Variants in BLMH observed in about 807,000 individuals in gnomAD.
BLMH encodes the protein BLM hydrolase.
A neutral mutation model predicts 61.6 loss-of-function variants in BLMH; 32 were observed. The observed-to-expected ratio is 0.52, with a 90% CI of 0.39 to 0.70. BLMH has a LOEUF of 0.70. Ranked by LOEUF, BLMH falls within the 30% of genes least tolerant of loss-of-function variation. The pLI, the probability that BLMH is intolerant of heterozygous loss-of-function variation, is 0.00. For synonymous variants in BLMH, 183 were observed against 193.8 expected (o/e 0.94, Z 0.46); for missense variants, 460 against 555.5 (o/e 0.83, Z 1.73).
At chr17:30,280,396 C>T (rs765149760) in intron 6 of BLMH, among the ~76,000 whole-genome samples, 1 of 152,118 alleles carries the variant, frequency 6.6e-6, no homozygotes, top group Non-Finnish European at 1.5e-5. Context: ...GAAAGTAGTA[C>T]AGTAAAGTCT....
At chr17:30,266,992 A>T in intron 10 of BLMH, 38 bp from the exon 11 acceptor site, 1 of 1,588,606 alleles carries the variant, frequency 6.3e-7, no homozygotes, top group Non-Finnish European at 8.6e-7. Context: ...GTCTGAAGCC[A>T]GATTCTCCCT....
At chr17:30,286,962 T>C (rs1161880116) in intron 4 of BLMH, 60 bp from the exon 5 acceptor site, 19 of 1,090,664 alleles carry the variant, frequency 1.7e-5, no homozygotes, top group Non-Finnish European at 2.6e-5. Context: ...CTGGCAAAAA[T>C]AGTGATTGTT....
chr17:30,287,467 C>T (rs1908764733), intron 4 of BLMH, among the ~76,000 whole-genome samples: 1 of 152,214 alleles, frequency 6.6e-6, no homozygotes, highest in South Asian at 2.1e-4. Flanking sequence ...GAGATTTCCC[C>T]AAAAGATGTT....
At chr17:30,266,254 G>A (rs935997091) in intron 11 of BLMH, among the ~76,000 whole-genome samples, 5 of 152,064 alleles carry the variant, frequency 3.3e-5, no homozygotes, top group Non-Finnish European at 5.9e-5. Context: ...AAGGCTGGGC[G>A]CAGTGGCTCA....
chr17:30,249,233 T>G, intron 11 of BLMH, 65 bp from the exon 12 acceptor site: 1 of 1,542,626 alleles, frequency 6.5e-7, no homozygotes, highest in Non-Finnish European at 8.8e-7. Context: ...AAACCCTTTT[T>G]GTAGGATAAA....
intron 11 of BLMH, among the ~76,000 whole-genome samples, chr17:30,255,967 G>C (rs931310537): frequency 6.6e-6 from 1 of 152,200 alleles, no homozygotes; most frequent in African/African-American, 2.4e-5. Flanking sequence ...GCTCACTGCA[G>C]CCTCAAACTC....
intron 11 of BLMH, among the ~76,000 whole-genome samples, chr17:30,258,390 A>G (rs1435295891): frequency 1.4e-4 from 21 of 152,204 alleles, no homozygotes; most frequent in Admixed American, 1.4e-3. Flanking sequence ...TGATAAAAGA[A>G]GAGATACTCT....
At chr17:30,283,562 A>AC (rs1908648008) in intron 6 of BLMH, among the ~76,000 whole-genome samples, 1 of 132,520 alleles carries the variant, frequency 7.5e-6, no homozygotes, top group African/African-American at 3.0e-5. Context: ...TCACTCTGTC[A>AC]CCAGGCTGGA....
At chr17:30,283,590 C>T (rs536929996) in intron 6 of BLMH, among the ~76,000 whole-genome samples, 19 of 147,532 alleles carry the variant, frequency 1.3e-4, no homozygotes, top group Admixed American at 1.1e-3. Context: ...GGCACAATCT[C>T]GGCTCACTGC....
intron 11 of BLMH, among the ~76,000 whole-genome samples, chr17:30,264,767 T>C (rs1908053483): frequency 1.3e-5 from 2 of 152,242 alleles, no homozygotes; most frequent in African/African-American, 2.4e-5. Flanking sequence ...AAACAGAAGC[T>C]GCAGGGGGTT....
intron 6 of BLMH, among the ~76,000 whole-genome samples, chr17:30,279,656 G>T (rs1908528542): frequency 6.6e-6 from 1 of 152,060 alleles, no homozygotes. Context: ...ATATTTTCAG[G>T]CCAGATGCAG....
intron 10 of BLMH, among the ~76,000 whole-genome samples, chr17:30,267,811 A>T (rs747869096): frequency 6.6e-6 from 1 of 152,242 alleles, no homozygotes; most frequent in Non-Finnish European, 1.5e-5. Context: ...AAATCTTTGT[A>T]GCATGAGAAG....
At chr17:30,250,855 G>A (rs1166079333) in intron 11 of BLMH, among the ~76,000 whole-genome samples, 4 of 152,032 alleles carry the variant, frequency 2.6e-5, no homozygotes, top group African/African-American at 9.7e-5. Flanking sequence ...ACCAACGAGT[G>A]GATAAAGAAA....
intron 6 of BLMH, among the ~76,000 whole-genome samples, chr17:30,280,527 A>C (rs755121893): frequency 6.6e-6 from 1 of 152,142 alleles, no homozygotes; most frequent in African/African-American, 2.4e-5. Context: ...CCCAGGCTGG[A>C]GTGCAGGGGT....
intron 6 of BLMH, among the ~76,000 whole-genome samples, chr17:30,275,733 G>A (rs1280405177): frequency 6.6e-6 from 1 of 151,554 alleles, no homozygotes; most frequent in Non-Finnish European, 1.5e-5. Context: ...GATACACCCT[G>A]CACAAGGACA....
Position 30,287,843 on chromosome 17 carries a change from A to G in BLMH, c.426T>C (p.Asn142=). ...CAAGCATATCCCATTGGCCACCATCATTTGCAGGGTTCATAAGCAAAAACT... is the reference window on the plus strand; with the variant it reads ...CAAGCATATCCCATTGGCCACCATCGTTTGCAGGGTTCATAAGCAAAAACT... ...LVQFLLMNPA[N]DGGQWDMLVN... is the part of the protein sequence containing the mutation. Residue 142 remains asparagine, a synonymous_variant, in exon 4 of 12, where the codon AAT becomes AAC. Coordinates refer to ENST00000261714, the MANE Select transcript of BLMH (RefSeq NM_000386.4). The G allele has an allele frequency of 6.2e-7, 1 of 1,614,136 alleles. No individual in the cohort carries two copies. The highest frequency in any genetic ancestry group is 8.5e-7 in the Non-Finnish European group (1 of 1,180,006).
intron 6 of BLMH, among the ~76,000 whole-genome samples, chr17:30,278,166 T>C (rs1013492242): frequency 8.5e-5 from 13 of 152,160 alleles, no homozygotes; most frequent in Admixed American, 4.6e-4. Flanking sequence ...ATTTTCTTGA[T>C]AAGAGACTCT....
chr17:30,264,184 G>A (rs1908037409), intron 11 of BLMH, among the ~76,000 whole-genome samples: 1 of 152,208 alleles, frequency 6.6e-6, no homozygotes, highest in Non-Finnish European at 1.5e-5. Context: ...TGGCTTGAAT[G>A]AACGACTCCC....
At chr17:30,271,120 C>G (rs527831180) in intron 10 of BLMH, 151 bp downstream of exon 10, 1 of 616,240 alleles carries the variant, frequency 1.6e-6, no homozygotes, top group Non-Finnish European at 2.8e-6. Context: ...GCAGCCAAGC[C>G]CCAAGTGACG....
Sources: allele counts gnomAD v4.1 joint callset (sites outside exome capture counted in the v4.1 genomes callset), GRCh38; gene constraint gnomAD v4.1.1; transcripts MANE v1.5; gene names NCBI Gene and HGNC (gene_info 2026-07-23, HGNC 2026-07-21).